Variants in TCF4 observed in about 807,000 individuals in gnomAD.
The protein encoded by TCF4 is transcription factor 4, also known as SL3-3 enhancer factor 2.
TCF4 carries 3 observed loss-of-function variants against 82.1 expected under a neutral mutation model. The ratio of observed to expected loss-of-function variants is 0.04; its 90% CI spans 0.02 to 0.09. The LOEUF (loss-of-function observed/expected upper bound fraction) is 0.09, where lower values mean the gene tolerates loss of function less well. Ranked by LOEUF, TCF4 falls within the 10% of genes least tolerant of loss-of-function variation. The pLI is 1.00. For missense variants in TCF4, 518 were observed against 852.7 expected (o/e 0.61, Z 4.89); for synonymous variants, 276 against 309.6 (o/e 0.89, Z 1.14).
intron 6 of TCF4, among the ~76,000 whole-genome samples, chr18:55,373,965 A>C (rs150165718): frequency 1.3e-5 from 2 of 152,328 alleles, no homozygotes; most frequent in East Asian, 3.9e-4. Flanking sequence ...CTCAGAATGC[A>C]ATAAAATTAA....
intron 10 of TCF4, among the ~76,000 whole-genome samples, chr18:55,274,931 T>G (rs1384367338): frequency 1.3e-5 from 2 of 152,150 alleles, no homozygotes; most frequent in Admixed American, 1.3e-4. Flanking sequence ...GATAGATGAA[T>G]GTAGGTGATG....
In TCF4 at chr18:55,633,158, T is replaced by C. The variant is rs892639824; in HGVS notation, c.196-1770A>G. The stretch of plus-strand genomic sequence containing the variant: ...GTATTTGGAATGTGGCTTAGCCAGA[T>C]AGTTCTGGCTTACGGTCTGTTCTGA... On this transcript the variant is annotated intron_variant, in intron 1 of 20. Transcript: ENST00000398339. This position sits in a 1 kb window ranked among gnomAD's most constrained non-coding sequence, Gnocchi z 4.0. 6.6e-5 allele frequency among the ~76,000 whole-genome samples: 10 copies of C among 152,246 alleles called. No homozygotes were observed. Among genetic ancestry groups the C allele is most frequent in the African/African-American group, 1.9e-4 (8 of 41,470 alleles).
intron 2 of TCF4, among the ~76,000 whole-genome samples, chr18:55,625,740 G>C (rs190061637): frequency 1.3e-5 from 2 of 152,254 alleles, no homozygotes; most frequent in Admixed American, 6.5e-5. Context: ...TGTTTTTGCA[G>C]TAAAATTCAA....
rs2097629084 is a variant in TCF4, at chr18:55,585,283, A to G, written c.142T>C (p.Ser48Pro). The G allele has an allele frequency of 6.2e-7, 1 of 1,613,692 alleles. No individual in the cohort carries two copies. The highest frequency in any genetic ancestry group is 8.5e-7 in the Non-Finnish European group (1 of 1,179,628). ...TSLASGHFTG[S>P]NVEDRSSSGS... is the part of the protein sequence containing the mutation. ...ACTAAGAAAAGAATTTACATACTTG[A>G]GCCAGTAAAATGTCCACTTGCCAAA... Residue 48 changes from serine (S) to proline (P), a missense_variant, in exon 3 of 20, where the codon TCA becomes CCA. Physicochemically the swap from Ser to Pro is moderately conservative, Grantham distance 74 (BLOSUM62 -1). Around this residue, in one of 7 missense-constraint regions of TCF4, gnomAD observed 80 missense variants for 93.8 expected, o/e 0.85. Coordinates refer to ENST00000354452, the MANE Select transcript of TCF4 (RefSeq NM_001083962.2).
chr18:55,500,737 T>A (rs1348105670), intron 3 of TCF4, among the ~76,000 whole-genome samples: 1 of 152,222 alleles, frequency 6.6e-6, no homozygotes, highest in Non-Finnish European at 1.5e-5. Flanking sequence ...TATATTGGCA[T>A]TTGGGACCCC....
chr18:55,563,109 C>A (rs2097369432), intron 3 of TCF4, among the ~76,000 whole-genome samples: 2 of 151,848 alleles, frequency 1.3e-5, no homozygotes, highest in Admixed American at 1.3e-4. Context: ...TGTGGTGGTG[C>A]ACTCCTGTGG....
chr18:55,586,211 AGC>A, intron 2 of TCF4: 1 of 893,362 alleles, frequency 1.1e-6, no homozygotes, highest in Non-Finnish European at 1.6e-6. Context: ...CAGCAGCAGC[AGC>A]AGCAGCAGCA....
chr18:55,564,518 C>T (rs558958511), intron 3 of TCF4, among the ~76,000 whole-genome samples: 25 of 152,244 alleles, frequency 1.6e-4, no homozygotes, highest in African/African-American at 6.0e-4. Flanking sequence ...GAGCACAACT[C>T]ACAATTATCA....
intron 3 of TCF4, among the ~76,000 whole-genome samples, chr18:55,513,461 C>T (rs906647364): frequency 6.6e-6 from 1 of 150,586 alleles, no homozygotes; most frequent in Non-Finnish European, 1.5e-5. Context: ...GTGAATGAGT[C>T]AGAATATGCA....
chr18:55,484,122 G>A (rs1273570234), intron 3 of TCF4, among the ~76,000 whole-genome samples: 7 of 152,140 alleles, frequency 4.6e-5, no homozygotes, highest in Non-Finnish European at 5.9e-5. Flanking sequence ...CTTATGTTAT[G>A]AGAGAGAAGT....
intron 3 of TCF4, among the ~76,000 whole-genome samples, chr18:55,540,928 T>G (rs1224283134): frequency 1.3e-5 from 2 of 151,994 alleles, no homozygotes; most frequent in Admixed American, 6.6e-5. Context: ...GAGAAAAATA[T>G]ACAACAAAAC....
At chr18:55,512,161 C>A (rs2096835565) in intron 3 of TCF4, among the ~76,000 whole-genome samples, 1 of 152,098 alleles carries the variant, frequency 6.6e-6, no homozygotes, top group Non-Finnish European at 1.5e-5. Context: ...ACATAAAGAG[C>A]CTTTCACCTA....
At chr18:55,556,863 C>T (rs1202500173) in intron 3 of TCF4, among the ~76,000 whole-genome samples, 4 of 152,170 alleles carry the variant, frequency 2.6e-5, no homozygotes, top group African/African-American at 7.2e-5. Flanking sequence ...ATTCTGTTGA[C>T]ATTTTAGTCA....
intron 17 of TCF4, 152 bp downstream of exon 17, chr18:55,232,357 T>C (rs2048152161): frequency 1.3e-6 from 1 of 794,646 alleles, no homozygotes; most frequent in East Asian, 2.7e-5. Flanking sequence ...TCTGAAACGA[T>C]ACTTTTAGTA....
At chr18:55,232,801 C>T (rs2048278617) in intron 16 of TCF4, 130 bp from the exon 17 acceptor site, 1 of 1,229,030 alleles carries the variant, frequency 8.1e-7, no homozygotes, top group Non-Finnish European at 1.2e-6. Flanking sequence ...TTTCCCCCTG[C>T]TATCTGTTGA....
At chr18:55,350,314 A>C (rs773765671) in intron 8 of TCF4, 45 bp downstream of exon 8, 2 of 1,592,774 alleles carry the variant, frequency 1.3e-6, no homozygotes, top group Non-Finnish European at 1.7e-6. Context: ...AATACAAAAC[A>C]GAACAAAATA....
At chr18:55,499,348 C>T (rs2096672179) in intron 3 of TCF4, among the ~76,000 whole-genome samples, 1 of 152,158 alleles carries the variant, frequency 6.6e-6, no homozygotes, top group African/African-American at 2.4e-5. Context: ...GCATTCTACT[C>T]CCACCTGAGA....
At chr18:55,413,167 G>T (rs2094414825) in intron 5 of TCF4, among the ~76,000 whole-genome samples, 1 of 152,094 alleles carries the variant, frequency 6.6e-6, no homozygotes, top group Admixed American at 6.6e-5. Context: ...ATATAGATAT[G>T]TATAATACAT....
chr18:55,322,329 ACT>A (rs1190155932), intron 8 of TCF4: 11 of 1,023,164 alleles, frequency 1.1e-5, no homozygotes, highest in Middle Eastern at 4.6e-4. Context: ...ACATCTAATA[ACT>A]CTGCCATCTG....
Sources: gnomAD v4.1 joint callset for allele counts (sites outside exome capture counted in the v4.1 genomes callset) on GRCh38, gnomAD v4.1.1 for gene constraint, gnomAD v4.1.1 regional missense constraint, Gnocchi (gnomAD v3.1) non-coding constraint, MANE v1.5 for transcripts, NCBI Gene and HGNC (gene_info 2026-07-23, HGNC 2026-07-21) for gene names.